Variants in PUDP observed in about 807,000 individuals in gnomAD.
PUDP encodes pseudouridine-5'-phosphatase.
A neutral mutation model predicts 9.4 loss-of-function variants in PUDP; 8 were observed. The ratio of observed to expected loss-of-function variants is 0.85; its 90% CI spans 0.50 to 1.53. PUDP has a LOEUF of 1.53. Among genes scored for constraint, PUDP ranks in the 40% most tolerant of loss-of-function variants. The pLI, the probability that PUDP is intolerant of heterozygous loss-of-function variation, is 0.00. For synonymous variants in PUDP, 99 were observed against 80.7 expected, an observed-to-expected ratio of 1.23 and a Z score of -1.22; for missense variants, 188 against 189.7, an observed-to-expected ratio of 0.99 and a Z score of 0.05.
chrX:6,888,907 C>T (rs767820186), intron 3 of PUDP, among the ~76,000 whole-genome samples: 12 of 111,742 alleles, frequency 1.1e-4, no homozygotes, highest in Admixed American at 1.9e-4. Context: ...TCGCCCCTGA[C>T]GAGATATTGC....
intron 3 of PUDP, among the ~76,000 whole-genome samples, chrX:7,061,919 A>G (rs1930414484): frequency 8.9e-6 from 1 of 111,997 alleles, no homozygotes; most frequent in Admixed American, 9.5e-5. Context: ...TTCACTATGA[A>G]GTTTAAAATT....
chrX:6,754,414 T>C (rs1455861877), intron 3 of PUDP, among the ~76,000 whole-genome samples: 2 of 110,778 alleles, frequency 1.8e-5, no homozygotes, highest in Non-Finnish European at 3.8e-5. Context: ...AATTATCCAG[T>C]CTTAGGTATG....
At chrX:6,710,072 G>A (rs1338056123) in intron 1 of PUDP, among the ~76,000 whole-genome samples, 4 of 112,037 alleles carry the variant, frequency 3.6e-5, no homozygotes, top group African/African-American at 6.5e-5. Flanking sequence ...GCAGTGAGCC[G>A]AGATAGTGCC....
chrX:6,710,411 C>T (rs1288280868), intron 1 of PUDP, among the ~76,000 whole-genome samples: 1 of 111,263 alleles, frequency 9.0e-6, no homozygotes, highest in Non-Finnish European at 1.9e-5. Flanking sequence ...GCCACCCTTC[C>T]ACTCCATTCC....
At chrX:6,723,679 A>AAACAG (rs1924703991), upstream of PUDP, among the ~76,000 whole-genome samples, 1 of 106,851 alleles carries the variant, frequency 9.4e-6, no homozygotes, top group African/African-American at 3.4e-5. Flanking sequence ...CAAAAAAACA[A>AAACAG]AACAAAACAA....
In PUDP at chrX:7,109,145, G is replaced by C. The variant is rs890447644; in HGVS notation, c.62-3307C>G. Among the ~76,000 whole-genome samples the C allele has an allele frequency of 3.6e-5, 4 of 112,017 alleles. No individual in the cohort carries two copies. In the Admixed American group the frequency reaches 3.8e-4, roughly 11 times the overall value. On this transcript the variant is annotated intron_variant, in intron 1 of 3. Transcript: ENST00000381077. ...TGGCCCACCCTCCTCCTCAACAGCT[G>C]AGTGGTGAAAAGCCTCCTCTAAGGG... is the stretch of plus-strand genomic sequence containing the variant.
intron 3 of PUDP, among the ~76,000 whole-genome samples, chrX:6,810,751 GA>G (rs971717409): frequency 1.8e-5 from 2 of 111,457 alleles, no homozygotes; most frequent in Middle Eastern, 9.2e-3. Flanking sequence ...AAGGAAGGCA[GA>G]AAGAAGGAAA....
intron 3 of PUDP, among the ~76,000 whole-genome samples, chrX:6,917,484 C>A (rs1265739273): frequency 9.0e-6 from 1 of 111,567 alleles, no homozygotes; most frequent in Non-Finnish European, 1.9e-5. Context: ...CTTCATACAT[C>A]TTGTGGTTAA....
At position 6,828,364 on chromosome X, in the gene PUDP, ATGTG is replaced by A. The variant is rs72476427; in HGVS notation, c.*248-121902_*248-121899del. 8.4e-4 allele frequency among the ~76,000 whole-genome samples: 90 copies of A among 106,978 alleles called. No homozygotes were observed. In the South Asian group the frequency reaches 0.018, roughly 21 times the overall value. The allele number at this position is 106,978 out of a possible 115,157, so 92.9% of individuals were successfully genotyped here. A position where few individuals can be genotyped will look rare whatever the true frequency, so the allele number is the denominator to read the frequency against. ...CAAACTTATGACACTGTTGCTATATATGTGTGTGTGTGTGTGTGTGTGTAAACAT... is the reference window on the plus strand; with the variant it reads ...CAAACTTATGACACTGTTGCTATATATGTGTGTGTGTGTGTGTGTAAACAT... On this transcript the variant is annotated intron_variant and NMD_transcript_variant, in intron 3 of 3. Transcript: ENST00000655425.
At chrX:6,758,290 G>A (rs942418426) in intron 3 of PUDP, among the ~76,000 whole-genome samples, 6 of 110,354 alleles carry the variant, frequency 5.4e-5, no homozygotes, top group Non-Finnish European at 9.5e-5. Context: ...GGTGATACCC[G>A]GTCTCTACAA....
intron 3 of PUDP, among the ~76,000 whole-genome samples, chrX:6,814,461 G>A (rs141729244): frequency 9.0e-6 from 1 of 110,665 alleles, no homozygotes; most frequent in African/African-American, 3.3e-5. Flanking sequence ...TAGGAGGGGT[G>A]GGGGTTCTGT....
chrX:6,750,921 C>G (rs1180154159), intron 3 of PUDP, among the ~76,000 whole-genome samples: 5 of 111,147 alleles, frequency 4.5e-5, no homozygotes, highest in Non-Finnish European at 7.5e-5. Flanking sequence ...GGGCAGATCA[C>G]AAGGTCAGGA....
At chrX:7,064,077 T>C (rs1930480137) in intron 3 of PUDP, among the ~76,000 whole-genome samples, 1 of 111,890 alleles carries the variant, frequency 8.9e-6, no homozygotes, top group African/African-American at 3.3e-5. Context: ...ACTACAGTCG[T>C]TATTTTGAGC....
Position 6,856,921 on chromosome X carries a change from T to A in PUDP, c.*247+120212A>T, listed in dbSNP as rs143567400. Among the ~76,000 whole-genome samples, 872 of 112,440 alleles carry A rather than the reference T, an allele frequency of 7.8e-3. 7 individuals are homozygous for A. Among genetic ancestry groups the A allele is most frequent in the African/African-American group, 0.025 (784 of 30,957 alleles). On this transcript the variant is annotated intron_variant and NMD_transcript_variant, in intron 3 of 3. Transcript: ENST00000655425. ...AAGAAGACAGATGTTTTAGCATCCA[T>A]ACGTATATTCAAATTAAATTGAAAT... is the stretch of plus-strand genomic sequence containing the variant.
chrX:7,056,163 C>T (rs1930236870), intron 3 of PUDP, among the ~76,000 whole-genome samples: 1 of 112,791 alleles, frequency 8.9e-6, no homozygotes, highest in Non-Finnish European at 1.9e-5. Flanking sequence ...ACTTTTCTCT[C>T]TAAGCCAAGG....
intron 1 of PUDP, among the ~76,000 whole-genome samples, chrX:7,038,714 C>T (rs773785868): frequency 6.3e-5 from 7 of 111,547 alleles, no homozygotes; most frequent in Non-Finnish European, 1.1e-4. Context: ...ATACATATTA[C>T]TTAGTCACTT....
chrX:7,077,189 A>T, intron 3 of PUDP, 31 bp downstream of exon 3: 1 of 1,169,281 alleles, frequency 8.6e-7, no homozygotes, highest in Non-Finnish European at 1.1e-6. Flanking sequence ...ATGGTTGTGG[A>T]ACACGGCCCG....
At chrX:6,984,543 A>C (rs1002693756) in intron 1 of PUDP, among the ~76,000 whole-genome samples, 4 of 111,708 alleles carry the variant, frequency 3.6e-5, no homozygotes, top group Non-Finnish European at 5.6e-5. Flanking sequence ...ATGTCTTCCC[A>C]AAATTCCCTA....
At chrX:6,783,872 C>T (rs1233290147) in intron 3 of PUDP, among the ~76,000 whole-genome samples, 1 of 111,590 alleles carries the variant, frequency 9.0e-6, no homozygotes, top group African/African-American at 3.3e-5. Context: ...AGCCCAAGTT[C>T]GAAGGCCTGA....
Sources: allele counts gnomAD v4.1 joint callset (sites outside exome capture counted in the v4.1 genomes callset), GRCh38; gene constraint gnomAD v4.1.1; transcripts MANE v1.5; gene names NCBI Gene and HGNC (gene_info 2026-07-23, HGNC 2026-07-21).